RFFL: variants seen among roughly 807,000 people sequenced by gnomAD.
RFFL encodes the protein ring finger and FYVE like domain containing E3 ubiquitin protein ligase.
Under a neutral mutation model 40.4 loss-of-function variants are expected in RFFL, and 16 were observed. The ratio of observed to expected loss-of-function variants is 0.40; its 90% CI spans 0.27 to 0.60. RFFL has a LOEUF of 0.60. Ranked by LOEUF, RFFL falls within the 20% of genes least tolerant of loss-of-function variation. The pLI is 0.47. For synonymous variants in RFFL, 154 were observed against 167.9 expected (o/e 0.92, Z 0.64); for missense variants, 367 against 451.7 (o/e 0.81, Z 1.70).
intron 1 of RFFL, among the ~76,000 whole-genome samples, chr17:35,075,986 C>CTTTTTTTT (rs35996071): frequency 1.7e-4 from 14 of 80,034 alleles, no homozygotes; most frequent in African/African-American, 2.8e-4. Context: ...TCAATTTATT[C>CTTTTTTTT]TTTTTTTTTT....
upstream of RFFL, among the ~76,000 whole-genome samples, chr17:35,064,821 G>C (rs2091312255): frequency 6.6e-6 from 1 of 152,164 alleles, no homozygotes; most frequent in Admixed American, 6.5e-5. Context: ...TGTACGTGCA[G>C]ACAGAATTTG....
chr17:35,033,952 C>T (rs1218604925), intron 1 of RFFL, among the ~76,000 whole-genome samples: 1 of 151,780 alleles, frequency 6.6e-6, no homozygotes, highest in Non-Finnish European at 1.5e-5. Context: ...ACCATCCTGG[C>T]TAACACAGTG....
Position 35,048,611 on chromosome 17 carries a change from T to G in RFFL, c.-9+14965A>C, listed in dbSNP as rs1195715042. ...TTGCAGCCCCAGGCTGTTAAATCTC[T>G]TCCCAATTCCACCCCATTGCTAATG... On this transcript the variant is annotated intron_variant, in intron 1 of 6. Coordinates refer to ENST00000394597, the MANE Select transcript of RFFL (RefSeq NM_001017368.2). Among the ~76,000 whole-genome samples the G allele has an allele frequency of 2.6e-5, 4 of 152,144 alleles. No individual in the cohort carries two copies. In the East Asian group the frequency reaches 7.7e-4, roughly 29 times the overall value.
At chr17:35,022,875 G>A (rs1056262013) in intron 2 of RFFL, among the ~76,000 whole-genome samples, 1 of 152,116 alleles carries the variant, frequency 6.6e-6, no homozygotes, top group Non-Finnish European at 1.5e-5. Context: ...GAGTGTCTCA[G>A]TTAGGCAACA....
chr17:35,011,958 A>C lies in RFFL; in HGVS notation c.*10T>G. ...TCCCTGTAAGGCACTGAAGAAACCGATGCAAGCTCTCAGGACCGGAAGACA... is the reference window on the plus strand; with the variant it reads ...TCCCTGTAAGGCACTGAAGAAACCGCTGCAAGCTCTCAGGACCGGAAGACA... On this transcript the variant is annotated 3_prime_UTR_variant, in exon 7 of 7. Coordinates refer to ENST00000394597, the MANE Select transcript of RFFL (RefSeq NM_001017368.2). 1 of 1,613,364 alleles carries C rather than the reference A, an allele frequency of 6.2e-7. No individual in the cohort carries two copies. Among genetic ancestry groups the C allele is most frequent in the South Asian group, 1.1e-5 (1 of 90,990 alleles).
intron 1 of RFFL, among the ~76,000 whole-genome samples, chr17:35,030,631 TGTCATATTGCCCAGGCTG>T (rs993798069): frequency 1.2e-3 from 175 of 151,688 alleles, no homozygotes; most frequent in Non-Finnish European, 3.2e-4. Flanking sequence ...GACTGGGTTT[TGTCATATTGCCCAGGCTG>T]GTCTCAAACT....
At position 35,051,519 on chromosome 17, in the gene RFFL, G is replaced by A. The variant is rs189295981; in HGVS notation, c.-9+12057C>T. ...TAAAGTACATTATTATATGAGTCAG[G>A]TAAAAGATTCACCTAACAAGCACCA... is the stretch of plus-strand genomic sequence containing the variant. On this transcript the variant is annotated intron_variant, in intron 1 of 6. Transcript: ENST00000394597. Among the ~76,000 whole-genome samples the A allele has an allele frequency of 4.7e-4, 72 of 152,290 alleles. No individual in the cohort carries two copies. The East Asian group carries it at 0.014, about 29-fold the overall frequency.
chr17:35,079,836 A>T (rs906759304), intron 1 of RFFL, among the ~76,000 whole-genome samples: 17 of 152,234 alleles, frequency 1.1e-4, no homozygotes, highest in Non-Finnish European at 2.4e-4. Context: ...CCTCTCAGTA[A>T]ACAATGGCTA....
chr17:35,041,690 A>AT (rs967904700), intron 1 of RFFL, among the ~76,000 whole-genome samples: 30 of 151,640 alleles, frequency 2.0e-4, no homozygotes, highest in Middle Eastern at 6.8e-3. Context: ...CTGAGAAAGG[A>AT]TTTTTTTTAC....
At chr17:35,075,586 T>A (rs151288972) in intron 1 of RFFL, among the ~76,000 whole-genome samples, 1 of 152,290 alleles carries the variant, frequency 6.6e-6, no homozygotes, top group East Asian at 1.9e-4. Context: ...CCAAAAACAT[T>A]CAAACAGTTT....
chr17:35,030,454 A>G (rs1309054092), intron 1 of RFFL, among the ~76,000 whole-genome samples: 1 of 151,744 alleles, frequency 6.6e-6, no homozygotes, highest in Non-Finnish European at 1.5e-5. Flanking sequence ...GATGGTGAGC[A>G]TTTTTTTGTG....
chr17:35,061,953 T>G (rs908123824), intron 1 of RFFL, among the ~76,000 whole-genome samples: 4 of 151,920 alleles, frequency 2.6e-5, no homozygotes, highest in Non-Finnish European at 4.4e-5. Context: ...GTGCTGGGAT[T>G]ACAGGCGTGA....
At chr17:35,036,284 A>G (rs2091121926) in intron 1 of RFFL, 1 of 152,230 alleles carries the variant, frequency 6.6e-6, no homozygotes, top group Admixed American at 6.5e-5. Context: ...TGAGGTGTAG[A>G]AAGAATTCTC....
chr17:35,018,444 C>T (rs560738041), intron 3 of RFFL, among the ~76,000 whole-genome samples: 6 of 152,188 alleles, frequency 3.9e-5, no homozygotes, highest in Admixed American at 1.3e-4. Context: ...AATTCCATCA[C>T]CATTTAAGCC....
chr17:35,035,786 C>T (rs552699695), intron 1 of RFFL, among the ~76,000 whole-genome samples: 22 of 152,032 alleles, frequency 1.4e-4, no homozygotes, highest in Non-Finnish European at 2.8e-4. Flanking sequence ...TCACTGCAAC[C>T]TCCATCTCCA....
At chr17:35,040,963 C>T (rs573483655) in intron 1 of RFFL, among the ~76,000 whole-genome samples, 73 of 144,480 alleles carry the variant, frequency 5.1e-4, no homozygotes, top group Non-Finnish European at 9.9e-4. Flanking sequence ...ACTGTAATCT[C>T]GAACTCCTGG....
At chr17:35,075,986 CTTTT>C (rs35996071) in intron 1 of RFFL, among the ~76,000 whole-genome samples, 5 of 80,024 alleles carry the variant, frequency 6.2e-5, no homozygotes, top group Non-Finnish European at 1.1e-4. Context: ...TCAATTTATT[CTTTT>C]TTTTTTTTTT....
At chr17:35,084,531 T>C (rs11650296) in intron 1 of RFFL, among the ~76,000 whole-genome samples, 7,315 of 151,810 alleles carry the variant, frequency 0.048, 254 homozygotes, top group South Asian at 0.078. Context: ...GAGGTGGAGG[T>C]TACAGTGAGC....
chr17:35,085,832 A>C (rs1223588960), intron 1 of RFFL, among the ~76,000 whole-genome samples: 1 of 152,240 alleles, frequency 6.6e-6, no homozygotes, highest in Non-Finnish European at 1.5e-5. Flanking sequence ...GCCCAAATAC[A>C]TTAAAAATGT....
Sources: gnomAD v4.1 joint callset for allele counts (sites outside exome capture counted in the v4.1 genomes callset) on GRCh38, gnomAD v4.1.1 for gene constraint, MANE v1.5 for transcripts, NCBI Gene and HGNC (gene_info 2026-07-23, HGNC 2026-07-21) for gene names.